The following EDC3 variants were observed in gnomAD, a reference collection of about 807,000 sequenced individuals.
EDC3 encodes the protein enhancer of mRNA-decapping protein 3.
A neutral mutation model predicts 41.8 loss-of-function variants in EDC3; 20 were observed. The observed-to-expected ratio is 0.48, with a 90% CI of 0.34 to 0.70. EDC3 has a LOEUF of 0.70. Ranked by LOEUF, EDC3 falls within the 30% of genes least tolerant of loss-of-function variation. The pLI, the probability that EDC3 is intolerant of heterozygous loss-of-function variation, is 0.01. For synonymous variants in EDC3, 206 were observed against 243.2 expected (o/e 0.85, Z 1.42); for missense variants, 444 against 636.8 (o/e 0.70, Z 3.26).
At position 74,632,741 on chromosome 15, in the gene EDC3, T is replaced by A. The variant is rs773592901; in HGVS notation, c.1398A>T (p.Pro466=). 3.1e-6 allele frequency: 5 copies of A among 1,614,156 alleles called. No homozygotes were observed. The highest frequency in any genetic ancestry group is 1.7e-4 in the Middle Eastern group (1 of 6,058). ...AGATACGGCCTGCGTGCTCCCCCAG[T>A]GGCAGAGGCAGGCCCAGTGCCAGTG... ...KWSLALGLPL[P]LGEHAGRIYL... Residue 466 remains proline, a synonymous_variant, in exon 7 of 7, where the codon CCA becomes CCT. Transcript: ENST00000315127. This position sits in a 1 kb window ranked among gnomAD's most constrained non-coding sequence, Gnocchi z 4.0.
intron 1 of EDC3, among the ~76,000 whole-genome samples, chr15:74,683,658 A>G (rs1224712747): frequency 6.6e-6 from 1 of 152,176 alleles, no homozygotes; most frequent in Non-Finnish European, 1.5e-5. Context: ...GGTAGGGCAT[A>G]AGGAATCTCT....
At chr15:74,686,097 C>A (rs1234478126) in intron 1 of EDC3, among the ~76,000 whole-genome samples, 1 of 152,028 alleles carries the variant, frequency 6.6e-6, no homozygotes, top group East Asian at 1.9e-4. Flanking sequence ...AAGGCTGAGG[C>A]AGGTGGATCA....
chr15:74,693,457 CTCTT>C (rs774312745), intron 1 of EDC3, among the ~76,000 whole-genome samples: 59 of 152,298 alleles, frequency 3.9e-4, no homozygotes, highest in Middle Eastern at 3.4e-3. Flanking sequence ...AACCAAATGA[CTCTT>C]TCTTTACTTC....
chr15:74,649,604 A>G (rs952034690), intron 4 of EDC3, among the ~76,000 whole-genome samples: 2 of 152,330 alleles, frequency 1.3e-5, no homozygotes, highest in African/African-American at 4.8e-5. Context: ...TTGAAGTCAA[A>G]TATTTACTGA....
At chr15:74,668,870 A>G (rs1235445658) in intron 3 of EDC3, among the ~76,000 whole-genome samples, 3 of 152,184 alleles carry the variant, frequency 2.0e-5, no homozygotes, top group East Asian at 3.8e-4. Flanking sequence ...ATTTGCAAAC[A>G]TCGTCATTTC....
In EDC3 at chr15:74,665,820, CAG is replaced by C. The variant is rs1233023250; in HGVS notation, c.484+5633_484+5634del. Among the ~76,000 whole-genome samples the C allele has an allele frequency of 1.1e-3, 152 of 133,830 alleles. No homozygotes were observed. The Middle Eastern group carries it at 0.02, about 17-fold the overall frequency. 87.8% of individuals were successfully genotyped at this position (133,830 alleles called of 152,430 possible). A position where few individuals can be genotyped will look rare whatever the true frequency, so the allele number is the denominator to read the frequency against. On this transcript the variant is annotated intron_variant, in intron 3 of 6. Coordinates refer to ENST00000315127, the MANE Select transcript of EDC3 (RefSeq NM_025083.5). ...TTCCTTTTTTTTTTTTTTTTTGAGACAGAGTTTTGCTTTGTTGCCCAGGCTGG... is the reference window on the plus strand; with the variant it reads ...TTCCTTTTTTTTTTTTTTTTTGAGACAGTTTTGCTTTGTTGCCCAGGCTGG...
At chr15:74,679,843 C>G (rs2062850202) in intron 1 of EDC3, 1 of 150,460 alleles carries the variant, frequency 6.6e-6, no homozygotes, top group Non-Finnish European at 1.5e-5. Context: ...AGGAAGGGAG[C>G]TTGGGCCCAT....
At chr15:74,679,636 T>C (rs988409505) in intron 1 of EDC3, among the ~76,000 whole-genome samples, 1 of 151,466 alleles carries the variant, frequency 6.6e-6, no homozygotes, top group Non-Finnish European at 1.5e-5. Flanking sequence ...TCAACAATAA[T>C]GATCCAGGCT....
intron 4 of EDC3, among the ~76,000 whole-genome samples, chr15:74,654,324 C>T (rs78008981): frequency 0.039 from 5,903 of 151,892 alleles, 148 homozygotes; most frequent in Middle Eastern, 0.13. Flanking sequence ...AACCAACAGC[C>T]TCAGCAGCAG....
intron 3 of EDC3, among the ~76,000 whole-genome samples, chr15:74,668,189 G>A (rs2062698443): frequency 6.6e-6 from 1 of 152,078 alleles, no homozygotes; most frequent in Admixed American, 6.5e-5. Flanking sequence ...TCAAAAACAA[G>A]GAAGGTCTGA....
At chr15:74,684,074 TTTTG>T (rs2062905867) in intron 1 of EDC3, among the ~76,000 whole-genome samples, 3 of 150,948 alleles carry the variant, frequency 2.0e-5, no homozygotes, top group African/African-American at 7.4e-5. Flanking sequence ...TATTTTGGTT[TTTTG>T]TTTCTGTTTT....
At chr15:74,635,338 G>A (rs759449977) in intron 6 of EDC3, 71 bp downstream of exon 6, 2 of 1,456,354 alleles carry the variant, frequency 1.4e-6, no homozygotes, top group African/African-American at 2.8e-5. Context: ...TCGCCACTGG[G>A]TGGCATGACG....
At chr15:74,685,138 T>C (rs967351529) in intron 1 of EDC3, among the ~76,000 whole-genome samples, 4 of 152,150 alleles carry the variant, frequency 2.6e-5, no homozygotes, top group African/African-American at 9.7e-5. Context: ...TTCATGCCTG[T>C]AATCTCAGCA....
rs762291691 is a variant in EDC3, at chr15:74,655,985, C to T, written c.568G>A (p.Glu190Lys). Residue 190 changes from glutamate to lysine, a missense_variant, in exon 4 of 7, where the codon GAG becomes AAG. Glu to Lys is a moderately conservative substitution (Grantham distance 56). This residue lies in a region of EDC3 where 200 missense variants were observed against 244.0 expected (regional missense o/e 0.82). Coordinates refer to ENST00000315127, the MANE Select transcript of EDC3 (RefSeq NM_025083.5). ...TCCTCAATATCATCCCCGAAGCACT[C>T]GTCATCTTTATTCTTCATCTGGCCA... ...KNGQMKNKDD[E>K]CFGDDIEEIP... The T allele has an allele frequency of 1.2e-6, 2 of 1,613,906 alleles. No individual in the cohort carries two copies. Among genetic ancestry groups the T allele is most frequent in the Admixed American group, 1.7e-5 (1 of 59,970 alleles).
intron 2 of EDC3, among the ~76,000 whole-genome samples, chr15:74,672,657 T>A (rs1200968209): frequency 1.3e-5 from 2 of 151,856 alleles, no homozygotes; most frequent in Non-Finnish European, 2.9e-5. Flanking sequence ...CTCAACTAAA[T>A]AGAAATGATT....
chr15:74,653,494 C>CT (rs1445400803), intron 4 of EDC3, among the ~76,000 whole-genome samples: 1 of 152,182 alleles, frequency 6.6e-6, no homozygotes, highest in Admixed American at 6.5e-5. Context: ...CCTGCTTGCT[C>CT]TATTTCCAGC....
chr15:74,634,538 A>G (rs1440656156), intron 6 of EDC3, among the ~76,000 whole-genome samples: 1 of 151,964 alleles, frequency 6.6e-6, no homozygotes, highest in African/African-American at 2.4e-5. Context: ...TAGGTGTCTC[A>G]AGCTGAGCTT....
chr15:74,635,552 C>G lies in EDC3; in HGVS notation c.1049G>C (p.Gly350Ala). Residue 350 changes from glycine to alanine, a missense_variant, in exon 6 of 7, where the codon GGT becomes GCT. Transcript: ENST00000315127. ...GGCTAGGTGCCTTCCACAGCTGATA[C>G]CCTGAGCCCCCTTCACATGAGGTCC... Reference protein sequence around the residue: ...LCGPHVKGAQGISCGRHLANH... With the variant: ...LCGPHVKGAQAISCGRHLANH... The G allele has an allele frequency of 6.2e-7, 1 of 1,614,234 alleles. No individual in the cohort carries two copies. Among genetic ancestry groups the G allele is most frequent in the African/African-American group, 1.3e-5 (1 of 75,040 alleles).
chr15:74,689,298 T>C (rs1050016900), intron 1 of EDC3, among the ~76,000 whole-genome samples: 6 of 152,194 alleles, frequency 3.9e-5, no homozygotes, highest in East Asian at 1.9e-4. Context: ...CTTGGTACTA[T>C]TGTTCTCTTC....
Sources: allele counts gnomAD v4.1 joint callset (sites outside exome capture counted in the v4.1 genomes callset), GRCh38; gene constraint gnomAD v4.1.1; regional missense constraint gnomAD v4.1.1; non-coding constraint Gnocchi (gnomAD v3.1); transcripts MANE v1.5; gene names NCBI Gene and HGNC (gene_info 2026-07-23, HGNC 2026-07-21).